TMEM117: variants seen among roughly 807,000 people sequenced by gnomAD.
TMEM117 encodes the protein transmembrane protein 117.
TMEM117 carries 27 observed loss-of-function variants against 52.4 expected under a neutral mutation model. The ratio of observed to expected loss-of-function variants is 0.51; its 90% confidence interval spans 0.38 to 0.71. The LOEUF (loss-of-function observed/expected upper bound fraction) is 0.71, where lower values mean the gene tolerates loss of function less well. Among genes scored for constraint, TMEM117 ranks in the 30% least tolerant of loss-of-function variants. TMEM117 has a pLI of 0.00. For synonymous variants in TMEM117, 215 were observed against 206.3 expected (o/e 1.04, Z -0.36); for missense variants, 556 against 630.5 (o/e 0.88, Z 1.26).
At chr12:43,969,356 T>TAAAA (rs1166788465) in intron 3 of TMEM117, among the ~76,000 whole-genome samples, 1,106 of 79,548 alleles carry the variant, frequency 0.014, 87 homozygotes, top group East Asian at 0.059. Context: ...CCGTCTCTAC[T>TAAAA]AAAAAAAAAA....
chr12:44,177,853 C>T (rs1392523691), intron 4 of TMEM117, among the ~76,000 whole-genome samples: 1 of 152,120 alleles, frequency 6.6e-6, no homozygotes, highest in East Asian at 1.9e-4. Context: ...ACAGGAAAGC[C>T]CCTTCCAGCT....
intron 2 of TMEM117, among the ~76,000 whole-genome samples, chr12:43,925,612 T>C (rs1434996980): frequency 1.3e-5 from 2 of 152,184 alleles, no homozygotes; most frequent in Non-Finnish European, 2.9e-5. Flanking sequence ...GTTTCCACAT[T>C]TATAAGCCCC....
chr12:43,879,397 T>A (rs368808398), intron 2 of TMEM117, among the ~76,000 whole-genome samples: 1 of 152,206 alleles, frequency 6.6e-6, no homozygotes, highest in Non-Finnish European at 1.5e-5. Flanking sequence ...TGCAACTCCA[T>A]TGCTCCCTGT....
At chr12:44,394,684 C>T (rs1259778757), downstream of TMEM117, among the ~76,000 whole-genome samples, 1 of 152,164 alleles carries the variant, frequency 6.6e-6, no homozygotes, top group East Asian at 1.9e-4. Context: ...AGGACACTCT[C>T]ATCTTGCCAG....
chr12:43,981,040 G>A (rs1176265282), intron 3 of TMEM117, among the ~76,000 whole-genome samples: 8 of 151,940 alleles, frequency 5.3e-5, no homozygotes, highest in Non-Finnish European at 1.2e-4. Flanking sequence ...TTTGCCCCAG[G>A]GTAAGAACAG....
intron 2 of TMEM117, among the ~76,000 whole-genome samples, chr12:43,850,573 T>G (rs1332283754): frequency 6.6e-6 from 1 of 152,152 alleles, no homozygotes. Context: ...CCATTTTCCT[T>G]CAAATCTCAG....
At chr12:44,260,976 A>G (rs1438684147) in intron 5 of TMEM117, among the ~76,000 whole-genome samples, 3 of 152,254 alleles carry the variant, frequency 2.0e-5, no homozygotes, top group Non-Finnish European at 4.4e-5. Flanking sequence ...TGTTTCTTGT[A>G]TAATAATCTC....
At chr12:44,258,245 C>A (rs1355519040) in intron 5 of TMEM117, among the ~76,000 whole-genome samples, 5 of 146,280 alleles carry the variant, frequency 3.4e-5, no homozygotes, top group African/African-American at 1.3e-4. Context: ...CCTGTTCATT[C>A]TATTACATTC....
intron 4 of TMEM117, among the ~76,000 whole-genome samples, chr12:44,159,167 A>G (rs1265440311): frequency 1.3e-5 from 2 of 152,174 alleles, no homozygotes; most frequent in Admixed American, 1.3e-4. Context: ...GGTGAATGGC[A>G]ATCCTTAATC....
chr12:43,969,448 G>A (rs1945543495), intron 3 of TMEM117, among the ~76,000 whole-genome samples: 1 of 151,418 alleles, frequency 6.6e-6, no homozygotes. Context: ...CTTGAACCTG[G>A]GAGGCGGAGG....
intron 3 of TMEM117, among the ~76,000 whole-genome samples, chr12:44,032,930 G>C (rs1216052415): frequency 6.6e-6 from 1 of 152,138 alleles, no homozygotes; most frequent in African/African-American, 2.4e-5. Context: ...TGTGTGAACT[G>C]GAACAACTCC....
intron 6 of TMEM117, among the ~76,000 whole-genome samples, chr12:44,346,919 G>T (rs979646694): frequency 2.0e-5 from 3 of 152,058 alleles, no homozygotes; most frequent in African/African-American, 7.2e-5. Flanking sequence ...CTCTTCTGAG[G>T]GATGCGCTAT....
intron 2 of TMEM117, among the ~76,000 whole-genome samples, chr12:43,857,716 C>A (rs1943424879): frequency 6.6e-6 from 1 of 152,116 alleles, no homozygotes. Flanking sequence ...GATGATGCTG[C>A]CAGAATTTTC....
chr12:44,237,043 A>G (rs1049133841), intron 5 of TMEM117, among the ~76,000 whole-genome samples: 4 of 152,042 alleles, frequency 2.6e-5, no homozygotes, highest in African/African-American at 9.7e-5. Flanking sequence ...AAGCAGAACT[A>G]GGCTTCCTTG....
intron 3 of TMEM117, among the ~76,000 whole-genome samples, chr12:44,072,279 C>G (rs1001497168): frequency 6.6e-6 from 1 of 152,084 alleles, no homozygotes; most frequent in Non-Finnish European, 1.5e-5. Flanking sequence ...TACTTTGGAT[C>G]TGGAATTTTT....
Position 44,301,456 on chromosome 12 carries a change from C to T in TMEM117, c.768+1717C>T, listed in dbSNP as rs148640994. 1.6e-3 allele frequency among the ~76,000 whole-genome samples: 250 copies of T among 152,114 alleles called. 2 individuals are homozygous for T. Among genetic ancestry groups the T allele is most frequent in the African/African-American group, 5.8e-3 (240 of 41,504 alleles). On this transcript the variant is annotated intron_variant, in intron 6 of 7. Transcript: ENST00000266534. ...TGAAGTGTTCAGAGAGTAGTCAGAG[C>T]ACCAAATGACCGACGATGAAGAGTT...
intron 3 of TMEM117, among the ~76,000 whole-genome samples, chr12:44,081,027 G>A (rs1177981821): frequency 6.6e-6 from 1 of 152,064 alleles, no homozygotes; most frequent in Non-Finnish European, 1.5e-5. Context: ...GGGAATTTAT[G>A]TTATAATTAC....
chr12:44,272,973 A>C (rs1163954810), intron 5 of TMEM117, among the ~76,000 whole-genome samples: 1 of 152,204 alleles, frequency 6.6e-6, no homozygotes. Context: ...AACCAACCCA[A>C]ATGTCCAACA....
intron 5 of TMEM117, among the ~76,000 whole-genome samples, chr12:44,283,502 C>T (rs536361962): frequency 6.6e-6 from 1 of 152,304 alleles, no homozygotes; most frequent in East Asian, 1.9e-4. Flanking sequence ...GACTGCCCCA[C>T]TGGATTTCAG....
Sources: gnomAD v4.1 joint callset for allele counts (sites outside exome capture counted in the v4.1 genomes callset) on GRCh38, gnomAD v4.1.1 for gene constraint, MANE v1.5 for transcripts, NCBI Gene and HGNC (gene_info 2026-07-23, HGNC 2026-07-21) for gene names.